Variants in RPH3A observed in about 807,000 individuals in gnomAD.
The protein encoded by RPH3A is rabphilin 3A.
A neutral mutation model predicts 102.2 loss-of-function variants in RPH3A; 48 were observed. That is an observed-to-expected ratio of 0.47 (90% CI 0.37 to 0.60). The LOEUF (loss-of-function observed/expected upper bound fraction) is 0.60, where lower values mean the gene tolerates loss of function less well. Ranked by LOEUF, RPH3A falls within the 20% of genes least tolerant of loss-of-function variation. The probability of loss-of-function intolerance (pLI) is 0.00; values close to 1 mark genes in which losing one functional copy is unlikely to be tolerated. For missense variants in RPH3A, 781 were observed against 910.1 expected (o/e 0.86, Z 1.83); for synonymous variants, 310 against 324.3 (o/e 0.96, Z 0.47).
At chr12:112,577,851 A>G (rs915955802) in intron 1 of RPH3A, among the ~76,000 whole-genome samples, 1 of 151,998 alleles carries the variant, frequency 6.6e-6, no homozygotes, top group Admixed American at 6.6e-5. Context: ...CCTAGGCTTC[A>G]AGTTTTTTGG....
At position 112,839,431 on chromosome 12, in the gene RPH3A, T is replaced by G. The variant is rs116424004; in HGVS notation, c.83+2929T>G. Among the ~76,000 whole-genome samples the G allele has an allele frequency of 6.1e-3, 927 of 152,324 alleles. 9 individuals are homozygous for G. Among genetic ancestry groups the G allele is most frequent in the African/African-American group, 0.016 (676 of 41,558 alleles). On this transcript the variant is annotated intron_variant, in intron 4 of 21. Coordinates refer to ENST00000389385, the MANE Select transcript of RPH3A (RefSeq NM_001143854.2). ...GGGATCTGGGCTTGGTGAGTGGCTC[T>G]GTGGACTTTGGCTAGGCTCATTTAT... is the stretch of plus-strand genomic sequence containing the variant.
chr12:112,870,361 C>T (rs1488190349), intron 10 of RPH3A, among the ~76,000 whole-genome samples: 1 of 142,550 alleles, frequency 7.0e-6, no homozygotes, highest in Non-Finnish European at 1.5e-5. Flanking sequence ...AGGCTTCGAA[C>T]AAAGTAAGGA....
At chr12:112,841,095 C>A (rs1245116901) in intron 4 of RPH3A, among the ~76,000 whole-genome samples, 1 of 140,070 alleles carries the variant, frequency 7.1e-6, no homozygotes, top group African/African-American at 2.7e-5. Context: ...CTAGTCCCAG[C>A]TACTTGGAAG....
intron 4 of RPH3A, among the ~76,000 whole-genome samples, chr12:112,846,067 G>T (rs562035802): frequency 6.6e-6 from 1 of 152,214 alleles, no homozygotes; most frequent in Non-Finnish European, 1.5e-5. Flanking sequence ...GGAGCAAGGG[G>T]CAATGAGGAC....
At chr12:112,844,885 A>C (rs1347202435) in intron 4 of RPH3A, among the ~76,000 whole-genome samples, 1 of 152,230 alleles carries the variant, frequency 6.6e-6, no homozygotes, top group Non-Finnish European at 1.5e-5. Flanking sequence ...CACCTGGGGC[A>C]GCAGTTATCT....
At chr12:112,648,338 T>C (rs1163244389) in intron 1 of RPH3A, among the ~76,000 whole-genome samples, 1 of 151,592 alleles carries the variant, frequency 6.6e-6, no homozygotes, top group African/African-American at 2.4e-5. Flanking sequence ...TTAATGGACA[T>C]TTAGGTTGCT....
chr12:112,817,248 C>A (rs967453321), intron 2 of RPH3A, among the ~76,000 whole-genome samples: 2 of 152,102 alleles, frequency 1.3e-5, no homozygotes, highest in Non-Finnish European at 2.9e-5. Context: ...CTCTTTTTAG[C>A]CCTGTTTCCC....
At chr12:112,823,402 G>A (rs1405600226) in intron 2 of RPH3A, among the ~76,000 whole-genome samples, 2 of 152,212 alleles carry the variant, frequency 1.3e-5, no homozygotes, top group Non-Finnish European at 2.9e-5. Context: ...ATCTACCTTG[G>A]AGTAGGATTG....
At chr12:112,748,465 C>T (rs1483850625) in intron 1 of RPH3A, among the ~76,000 whole-genome samples, 1 of 152,124 alleles carries the variant, frequency 6.6e-6, no homozygotes, top group Non-Finnish European at 1.5e-5. Flanking sequence ...TCCTGAGTAG[C>T]TAGGACTACT....
intron 1 of RPH3A, among the ~76,000 whole-genome samples, chr12:112,727,798 A>T (rs745933610): frequency 1.6e-4 from 25 of 152,136 alleles, no homozygotes; most frequent in Non-Finnish European, 3.4e-4. Context: ...AACTTAAATG[A>T]AACCACACAG....
intron 1 of RPH3A, among the ~76,000 whole-genome samples, chr12:112,660,091 C>T (rs2040039030): frequency 6.6e-6 from 1 of 152,042 alleles, no homozygotes; most frequent in Non-Finnish European, 1.5e-5. Context: ...AGCACACATA[C>T]ATATGTAAAT....
intron 2 of RPH3A, among the ~76,000 whole-genome samples, chr12:112,806,156 A>G (rs2041456989): frequency 6.6e-6 from 1 of 152,258 alleles, no homozygotes; most frequent in Non-Finnish European, 1.5e-5. Flanking sequence ...AACTTTAGTA[A>G]AAGTCACTTA....
intron 2 of RPH3A, among the ~76,000 whole-genome samples, chr12:112,794,201 C>T (rs2041182468): frequency 6.6e-6 from 1 of 152,178 alleles, no homozygotes; most frequent in Non-Finnish European, 1.5e-5. Context: ...ACCTGGGTTC[C>T]AGTCCCAGCT....
intron 1 of RPH3A, among the ~76,000 whole-genome samples, chr12:112,694,453 T>C (rs2040330219): frequency 6.6e-6 from 1 of 152,136 alleles, no homozygotes; most frequent in African/African-American, 2.4e-5. Flanking sequence ...GGACCTCTTA[T>C]TTCTTCCAAG....
At chr12:112,607,651 G>A (rs1456339723) in intron 1 of RPH3A, among the ~76,000 whole-genome samples, 2 of 152,094 alleles carry the variant, frequency 1.3e-5, no homozygotes, top group Non-Finnish European at 2.9e-5. Context: ...CAAGTTATGC[G>A]GCCCTTGAGG....
chr12:112,879,320 G>C, intron 14 of RPH3A, 122 bp downstream of exon 14: 1 of 841,392 alleles, frequency 1.2e-6, no homozygotes, highest in South Asian at 1.7e-5. Flanking sequence ...GATAGTGACG[G>C]TGATGAGAAG....
At chr12:112,881,186 G>T (rs1015944755) in intron 14 of RPH3A, among the ~76,000 whole-genome samples, 3 of 152,124 alleles carry the variant, frequency 2.0e-5, no homozygotes, top group Non-Finnish European at 1.5e-5. Context: ...AGGAATTTGG[G>T]GATTGCTCAT....
chr12:112,744,522 C>G (rs548185585), intron 1 of RPH3A, among the ~76,000 whole-genome samples: 1 of 152,322 alleles, frequency 6.6e-6, no homozygotes, highest in Non-Finnish European at 1.5e-5. Flanking sequence ...CTGGAAAACT[C>G]TGAGGATTTC....
chr12:112,613,823 A>T (rs2039657117), intron 1 of RPH3A, among the ~76,000 whole-genome samples: 1 of 152,188 alleles, frequency 6.6e-6, no homozygotes, highest in African/African-American at 2.4e-5. Context: ...ACACGCCTGT[A>T]ATCCCAGCTA....
Sources: gnomAD v4.1 joint callset for allele counts (sites outside exome capture counted in the v4.1 genomes callset) on GRCh38, gnomAD v4.1.1 for gene constraint, MANE v1.5 for transcripts, NCBI Gene and HGNC (gene_info 2026-07-23, HGNC 2026-07-21) for gene names.